MEGF11: variants seen among roughly 807,000 people sequenced by gnomAD.
The protein encoded by MEGF11 is multiple epidermal growth factor-like domains protein 11.
A neutral mutation model predicts 146.6 loss-of-function variants in MEGF11; 126 were observed. That is an observed-to-expected ratio of 0.86 (90% CI 0.74 to 1.00). MEGF11 has a LOEUF of 1.00. MEGF11 is among the 50% of genes least tolerant of loss of function. MEGF11 has a pLI of 0.00. For missense variants in MEGF11, 1,509 were observed against 1,521.2 expected (o/e 0.99, Z 0.13); for synonymous variants, 532 against 583.4 (o/e 0.91, Z 1.27).
At chr15:66,023,222 C>A (rs1402860368) in intron 5 of MEGF11, among the ~76,000 whole-genome samples, 1 of 151,814 alleles carries the variant, frequency 6.6e-6, no homozygotes, top group Non-Finnish European at 1.5e-5. Context: ...TCCACTCTTT[C>A]ACCGTCCTCT....
intron 10 of MEGF11, among the ~76,000 whole-genome samples, chr15:65,943,090 G>A (rs1011373067): frequency 9.8e-5 from 14 of 142,816 alleles, no homozygotes; most frequent in Non-Finnish European, 1.6e-4. Context: ...GGGTTCAAGC[G>A]ATTCTCCTGC....
intron 1 of MEGF11, among the ~76,000 whole-genome samples, chr15:66,166,144 A>G (rs2090091002): frequency 6.6e-6 from 1 of 152,052 alleles, no homozygotes; most frequent in Non-Finnish European, 1.5e-5. Flanking sequence ...CTTCCCTGGG[A>G]CGGCTGGTAG....
chr15:66,077,447 G>GA (rs1263021640), intron 5 of MEGF11, among the ~76,000 whole-genome samples: 4 of 152,222 alleles, frequency 2.6e-5, no homozygotes, highest in Non-Finnish European at 5.9e-5. Context: ...CCATAGGTGA[G>GA]AAGCATTGGA....
intron 9 of MEGF11, among the ~76,000 whole-genome samples, chr15:65,963,908 C>T (rs2080962032): frequency 1.3e-5 from 2 of 152,214 alleles, no homozygotes; most frequent in South Asian, 2.1e-4. Context: ...AAGAGGGGCC[C>T]AGGCTAAGTC....
chr15:66,200,224 G>A (rs1336096252), intron 1 of MEGF11, among the ~76,000 whole-genome samples: 1 of 152,204 alleles, frequency 6.6e-6, no homozygotes, highest in East Asian at 1.9e-4. Flanking sequence ...CCTGCTTTAC[G>A]GAATCACAGC....
chr15:66,244,657 C>A (rs1300285951), intron 1 of MEGF11, among the ~76,000 whole-genome samples: 1 of 152,138 alleles, frequency 6.6e-6, no homozygotes, highest in African/African-American at 2.4e-5. Context: ...AGAATCCCGA[C>A]TTCACAGGGT....
intron 3 of MEGF11, among the ~76,000 whole-genome samples, chr15:66,120,452 T>C (rs1289266218): frequency 6.6e-6 from 1 of 152,176 alleles, no homozygotes; most frequent in Non-Finnish European, 1.5e-5. Flanking sequence ...CTGTGGACTC[T>C]TCCTCAGCAG....
intron 1 of MEGF11, among the ~76,000 whole-genome samples, chr15:66,221,367 T>C (rs1484324601): frequency 6.6e-6 from 1 of 152,106 alleles, no homozygotes; most frequent in Non-Finnish European, 1.5e-5. Context: ...TCTTCTCCCT[T>C]GAAAGCTTTC....
At chr15:66,021,629 G>A (rs972584432) in intron 5 of MEGF11, among the ~76,000 whole-genome samples, 1 of 152,228 alleles carries the variant, frequency 6.6e-6, no homozygotes, top group Admixed American at 6.5e-5. Context: ...AGCAGCCAGT[G>A]CCCGGGGCTC....
At chr15:65,914,550 G>A (rs17816951) in intron 19 of MEGF11, among the ~76,000 whole-genome samples, 204 of 152,138 alleles carry the variant, frequency 1.3e-3, no homozygotes, top group Admixed American at 3.7e-3. Context: ...ATGACTGCCC[G>A]CAGGACCCCT....
chr15:66,213,698 C>G (rs1265386064), intron 1 of MEGF11, among the ~76,000 whole-genome samples: 2 of 151,796 alleles, frequency 1.3e-5, no homozygotes, highest in East Asian at 3.9e-4. Flanking sequence ...ATTACAGGTG[C>G]AAGCCACCAC....
intron 5 of MEGF11, among the ~76,000 whole-genome samples, chr15:66,018,873 A>G (rs995185039): frequency 2.0e-5 from 3 of 152,252 alleles, no homozygotes; most frequent in Non-Finnish European, 2.9e-5. Context: ...TGAGATGTGT[A>G]GAGCAGGAGA....
At chr15:66,225,908 T>G (rs1480607248) in intron 1 of MEGF11, among the ~76,000 whole-genome samples, 1 of 152,150 alleles carries the variant, frequency 6.6e-6, no homozygotes, top group African/African-American at 2.4e-5. Context: ...CCCACTGTCA[T>G]GTCCACACCC....
chr15:65,918,592 C>T (rs546457419), intron 15 of MEGF11, among the ~76,000 whole-genome samples: 2 of 152,380 alleles, frequency 1.3e-5, no homozygotes, highest in East Asian at 1.9e-4. Context: ...AGGACCAGCC[C>T]TGAATGTCTG....
intron 1 of MEGF11, among the ~76,000 whole-genome samples, chr15:66,144,139 C>T (rs2089276966): frequency 6.6e-6 from 1 of 152,234 alleles, no homozygotes; most frequent in South Asian, 2.1e-4. Flanking sequence ...TATGCCCACC[C>T]TGGCTGCGCA....
At chr15:65,956,064 C>T (rs1189710334) in intron 10 of MEGF11, among the ~76,000 whole-genome samples, 1 of 152,070 alleles carries the variant, frequency 6.6e-6, no homozygotes, top group Non-Finnish European at 1.5e-5. Flanking sequence ...CCCTGTGGAT[C>T]AGTGGATCTC....
chr15:66,149,289 C>T (rs1477331046), intron 1 of MEGF11, among the ~76,000 whole-genome samples: 1 of 152,210 alleles, frequency 6.6e-6, no homozygotes, highest in Non-Finnish European at 1.5e-5. Context: ...TAACCCCAGA[C>T]AGTCTAGATG....
At chr15:65,933,625 A>G (rs1171492800) in intron 10 of MEGF11, among the ~76,000 whole-genome samples, 1 of 152,194 alleles carries the variant, frequency 6.6e-6, no homozygotes, top group Admixed American at 6.5e-5. Flanking sequence ...TCTGCTTCCC[A>G]GAGAAGAAAA....
chr15:66,148,033 G>A (rs957340390), intron 1 of MEGF11, among the ~76,000 whole-genome samples: 1 of 152,136 alleles, frequency 6.6e-6, no homozygotes, highest in African/African-American at 2.4e-5. Flanking sequence ...CTGCCAGGAG[G>A]TACCGGAGAG....
Sources: allele counts gnomAD v4.1 joint callset (sites outside exome capture counted in the v4.1 genomes callset), GRCh38; gene constraint gnomAD v4.1.1; transcripts MANE v1.5; gene names NCBI Gene and HGNC (gene_info 2026-07-23, HGNC 2026-07-21).